RAB7B: variants seen among roughly 807,000 people sequenced by gnomAD.
RAB7B encodes ras-related protein Rab-7b.
chr1:205,990,432 G>C (rs1242265849), intron 4 of RAB7B, among the ~76,000 whole-genome samples: 1 of 152,178 alleles, frequency 6.6e-6, no homozygotes, highest in Non-Finnish European at 1.5e-5. Flanking sequence ...AACAGTCAAC[G>C]GGGCAGAGAG....
chr1:205,992,763 A>C, intron 3 of RAB7B, 68 bp from the exon 4 acceptor site: 1 of 398,458 alleles, frequency 2.5e-6, no homozygotes, highest in East Asian at 3.6e-5. Context: ...GCTGGATTAC[A>C]TCATGTCAAG....
At chr1:205,994,259 G>C in intron 1 of RAB7B, 108 bp from the exon 2 acceptor site, 2 of 395,546 alleles carry the variant, frequency 5.1e-6, no homozygotes, top group Admixed American at 8.8e-5. Context: ...TACTGCCCTG[G>C]GCCCGGGACT....
intron 2 of RAB7B, 95 bp downstream of exon 2, chr1:205,993,988 G>T: frequency 2.5e-6 from 1 of 398,110 alleles, no homozygotes; most frequent in East Asian, 3.6e-5. Flanking sequence ...CCCTGAATCA[G>T]AAAGGGACCT....
chr1:205,979,633 C>A (rs1420853560), intron 5 of RAB7B, among the ~76,000 whole-genome samples: 1 of 152,170 alleles, frequency 6.6e-6, no homozygotes, highest in Non-Finnish European at 1.5e-5. Context: ...AGACTTTCTT[C>A]TTCAAGGGAT....
intron 4 of RAB7B, among the ~76,000 whole-genome samples, chr1:205,989,864 C>A (rs1423154598): frequency 6.6e-6 from 1 of 152,206 alleles, no homozygotes; most frequent in Non-Finnish European, 1.5e-5. Flanking sequence ...TTGGTGTCAC[C>A]CATCAGAACT....
chr1:205,982,452 G>T (rs941119150), intron 5 of RAB7B, among the ~76,000 whole-genome samples: 84 of 152,178 alleles, frequency 5.5e-4, no homozygotes, highest in African/African-American at 2.0e-3. Flanking sequence ...TCATCCTCTC[G>T]GCAGCACGAA....
At chr1:205,985,827 CCCCACCAGGCCCACCACCACT>C (rs1660594591) in intron 4 of RAB7B, among the ~76,000 whole-genome samples, 162 bp from the exon 5 acceptor site, 3 of 149,826 alleles carry the variant, frequency 2.0e-5, no homozygotes, top group Admixed American at 1.3e-4. Flanking sequence ...GGCCCACCAT[CCCCACCAGGCCCACCACCACT>C]CCCATTTATT....
chr1:205,989,602 C>T (rs1264637046), intron 4 of RAB7B, among the ~76,000 whole-genome samples: 3 of 152,028 alleles, frequency 2.0e-5, no homozygotes, highest in Non-Finnish European at 4.4e-5. Flanking sequence ...TCTCCTGTGC[C>T]CCGATCTCCT....
chr1:205,982,659 A>G (rs1660515926), intron 5 of RAB7B, among the ~76,000 whole-genome samples: 1 of 152,106 alleles, frequency 6.6e-6, no homozygotes, highest in Non-Finnish European at 1.5e-5. Flanking sequence ...TGAGAGGTAG[A>G]GCTGAGTATA....
At chr1:205,987,795 T>G (rs1290649444) in intron 4 of RAB7B, among the ~76,000 whole-genome samples, 2 of 152,354 alleles carry the variant, frequency 1.3e-5, no homozygotes, top group African/African-American at 4.8e-5. Context: ...TTTTTTAAAC[T>G]AAATCAGTAA....
intron 5 of RAB7B, among the ~76,000 whole-genome samples, chr1:205,982,010 A>T (rs1335885536): frequency 2.6e-5 from 4 of 152,150 alleles, no homozygotes; most frequent in African/African-American, 9.7e-5. Flanking sequence ...CAATGTTAAC[A>T]CCTACTCCGG....
At chr1:205,978,981 G>A (rs1027145520) in intron 5 of RAB7B, 53 bp from the exon 6 acceptor site, 15 of 398,102 alleles carry the variant, frequency 3.8e-5, no homozygotes, top group South Asian at 1.3e-4. Flanking sequence ...AGAGTGCACC[G>A]CCCGCCCTTC....
intron 1 of RAB7B, among the ~76,000 whole-genome samples, chr1:205,995,943 C>G (rs1660805502): frequency 6.6e-6 from 1 of 152,102 alleles, no homozygotes; most frequent in African/African-American, 2.4e-5. Flanking sequence ...TTTAGCCATT[C>G]CACAATGTGT....
chr1:205,987,531 G>A (rs1435185205), intron 4 of RAB7B, among the ~76,000 whole-genome samples: 2 of 152,160 alleles, frequency 1.3e-5, no homozygotes, highest in Non-Finnish European at 2.9e-5. Context: ...AATTATACAA[G>A]TGCTAAAATT....
chr1:206,002,978 A>C lies in RAB7B; in HGVS notation c.-17+275T>G, dbSNP rs1332685182. 2.0e-5 allele frequency among the ~76,000 whole-genome samples: 3 copies of C among 152,272 alleles called. No homozygotes were observed. The East Asian group carries it at 5.8e-4, about 29-fold the overall frequency. On this transcript the variant is annotated intron_variant, in intron 1 of 5. Coordinates refer to ENST00000617070, the MANE Select transcript of RAB7B (RefSeq NM_001164522.3). ...GAGGCAGCAGCGCCATCCTCTCCTG[A>C]CTGGGCCAGCAGCTGCGTCCTGGGA...
rs1660408613 is a variant in RAB7B, at chr1:205,977,658, G to T, written c.*1193C>A. The T allele has an allele frequency of 6.6e-6, 1 of 152,232 alleles. No homozygotes were observed. Among genetic ancestry groups the T allele is most frequent in the African/African-American group, 2.4e-5 (1 of 41,452 alleles). The allele number at this position is 152,232 out of a possible 1,614,324, so 9.4% of individuals were successfully genotyped here. On this transcript the variant is annotated 3_prime_UTR_variant, in exon 6 of 6. Transcript: ENST00000617070. ...GCTTTGTCTTTGGGACAGCAGCTTT[G>T]AGTATTAGGTCAATGGATGTCCTTT... is the stretch of plus-strand genomic sequence containing the variant.
At position 205,993,442 on chromosome 1, in the gene RAB7B, C is replaced by T. The variant is rs1038109780; in HGVS notation, c.158G>A (p.Gly53Asp). The change falls in exon 3 of 6, where the codon GGT becomes GAT. Residue 53 changes from glycine (G) to aspartate (D), a missense_variant. Coordinates refer to ENST00000617070, the MANE Select transcript of RAB7B (RefSeq NM_001164522.3). ...CACCTGTAACTTCAAAGTTGTGTCA[C>T]CCAATATGATAATCTTGGAGAGGAT... ...ASILSKIIIL[G>D]DTTLKLQIWD... The T allele has an allele frequency of 4.1e-3, 1,641 of 398,572 alleles. 10 individuals carry two copies. The highest frequency in any genetic ancestry group is 3.6e-3 in the Non-Finnish European group (808 of 226,064). 24.7% of individuals were successfully genotyped at this position (398,572 alleles called of 1,614,324 possible).
chr1:205,985,927 C>T (rs1446260578), intron 4 of RAB7B, among the ~76,000 whole-genome samples: 1 of 150,084 alleles, frequency 6.7e-6, no homozygotes, highest in African/African-American at 2.5e-5. Context: ...CTCCATTTCA[C>T]AGATGAAAAA....
intron 4 of RAB7B, among the ~76,000 whole-genome samples, chr1:205,989,958 TG>T (rs1398261198): frequency 2.0e-5 from 3 of 152,180 alleles, no homozygotes; most frequent in East Asian, 1.9e-4. Context: ...AGCCTCGTAT[TG>T]GTTTCCTCCC....
Sources: allele counts gnomAD v4.1 joint callset (sites outside exome capture counted in the v4.1 genomes callset), GRCh38; gene constraint gnomAD v4.1.1; transcripts MANE v1.5; gene names NCBI Gene and HGNC (gene_info 2026-07-23, HGNC 2026-07-21).